The following HDAC9 variants were observed in gnomAD, a reference collection of about 807,000 sequenced individuals.
HDAC9 encodes histone deacetylase 9.
A neutral mutation model predicts 139.4 loss-of-function variants in HDAC9; 41 were observed. That is an observed-to-expected ratio of 0.29 (90% CI 0.23 to 0.38). HDAC9 has a LOEUF of 0.38. Among genes scored for constraint, HDAC9 ranks in the 10% least tolerant of loss-of-function variants. The pLI, the probability that HDAC9 is intolerant of heterozygous loss-of-function variation, is 1.00. For synonymous variants in HDAC9, 517 were observed against 476.2 expected (o/e 1.09, Z -1.12); for missense variants, 1,147 against 1,297.0 (o/e 0.88, Z 1.78).
intron 1 of HDAC9, among the ~76,000 whole-genome samples, chr7:18,131,887 A>G (rs1785036930): frequency 6.6e-6 from 1 of 152,158 alleles, no homozygotes; most frequent in South Asian, 2.1e-4. Flanking sequence ...GATAATTGGG[A>G]GTCAAAATTT....
intron 1 of HDAC9, among the ~76,000 whole-genome samples, chr7:18,489,169 C>G (rs973024415): frequency 4.6e-5 from 7 of 151,868 alleles, no homozygotes; most frequent in Non-Finnish European, 7.4e-5. Flanking sequence ...ATACTATGTG[C>G]CAGACATTAT....
intron 17 of HDAC9, among the ~76,000 whole-genome samples, chr7:18,816,987 G>A (rs971195590): frequency 6.6e-6 from 1 of 151,570 alleles, no homozygotes; most frequent in African/African-American, 2.4e-5. Context: ...AATAAAAGGG[G>A]GAAAATTCTT....
At chr7:18,505,430 A>G (rs1799497657) in intron 2 of HDAC9, among the ~76,000 whole-genome samples, 1 of 152,194 alleles carries the variant, frequency 6.6e-6, no homozygotes, top group Admixed American at 6.5e-5. Flanking sequence ...TCAACTTGCA[A>G]TGTGAAATTC....
chr7:18,096,540 GT>G (rs1782511447), intron 1 of HDAC9, among the ~76,000 whole-genome samples: 1 of 152,172 alleles, frequency 6.6e-6, no homozygotes, highest in African/African-American at 2.4e-5. Flanking sequence ...ATGGACCTCA[GT>G]TTGAAATACA....
At chr7:18,885,461 A>C (rs1051184863) in intron 22 of HDAC9, among the ~76,000 whole-genome samples, 22 of 152,138 alleles carry the variant, frequency 1.4e-4, no homozygotes, top group Admixed American at 1.1e-3. Flanking sequence ...TTTTGTATTA[A>C]TATCATTTTT....
intron 13 of HDAC9, among the ~76,000 whole-genome samples, chr7:18,741,543 C>T (rs1787455749): frequency 6.6e-6 from 1 of 152,160 alleles, no homozygotes; most frequent in South Asian, 2.1e-4. Flanking sequence ...TGTACCTGGT[C>T]ACCCAAGAAC....
intron 1 of HDAC9, among the ~76,000 whole-genome samples, chr7:18,353,134 A>G (rs778167967): frequency 2.0e-5 from 3 of 152,166 alleles, no homozygotes; most frequent in East Asian, 1.9e-4. Context: ...TTAATTAGCT[A>G]TACATGACCC....
intron 12 of HDAC9, among the ~76,000 whole-genome samples, chr7:18,692,996 C>G (rs907740762): frequency 6.6e-6 from 1 of 151,752 alleles, no homozygotes; most frequent in African/African-American, 2.4e-5. Flanking sequence ...TATTTTTTGG[C>G]TTTTTAATTT....
At position 18,199,817 on chromosome 7, in the gene HDAC9, G is replaced by A. The variant is rs548106622; in HGVS notation, c.25+37468G>A. Among the ~76,000 whole-genome samples, 17 of 144,464 alleles carry A rather than the reference G, an allele frequency of 1.2e-4. No homozygotes were observed. The East Asian group carries it at 2.6e-3, about 22-fold the overall frequency. The allele number at this position is 144,464 out of a possible 152,430, so 94.8% of individuals were successfully genotyped here. ...TGTTGCACATCTGTAGTCCTACCAC[G>A]CAGGAGGCTGAGATGGGAGCGAGGA... On this transcript the variant is annotated intron_variant, in intron 2 of 12. Transcript: ENST00000417496.
intron 12 of HDAC9, among the ~76,000 whole-genome samples, chr7:18,700,772 G>C (rs1400299337): frequency 6.6e-6 from 1 of 152,190 alleles, no homozygotes; most frequent in East Asian, 1.9e-4. Context: ...ATCTCCAGGA[G>C]ACTAGCCTTA....
At chr7:18,340,999 C>CT (rs988496827) in intron 1 of HDAC9, among the ~76,000 whole-genome samples, 16 of 147,866 alleles carry the variant, frequency 1.1e-4, no homozygotes, top group Middle Eastern at 3.4e-3. Flanking sequence ...CCCAAGTTGA[C>CT]TTTTTTTTTT....
chr7:18,680,054 C>G (rs1309173898), intron 12 of HDAC9, among the ~76,000 whole-genome samples: 1 of 151,936 alleles, frequency 6.6e-6, no homozygotes, highest in Non-Finnish European at 1.5e-5. Context: ...CATTAGAAAT[C>G]AGTGCCAATA....
At chr7:18,132,795 T>C (rs957020518) in intron 1 of HDAC9, among the ~76,000 whole-genome samples, 1 of 152,162 alleles carries the variant, frequency 6.6e-6, no homozygotes, top group Admixed American at 6.6e-5. Context: ...AGATTGGTTT[T>C]TAGTAAGGTG....
At chr7:18,324,766 T>G (rs1325347011) in intron 1 of HDAC9, among the ~76,000 whole-genome samples, 1 of 152,148 alleles carries the variant, frequency 6.6e-6, no homozygotes, top group East Asian at 1.9e-4. Flanking sequence ...AAGAAATAGC[T>G]CTTGCCTTTG....
chr7:18,097,770 T>G (rs1782604120), intron 1 of HDAC9, among the ~76,000 whole-genome samples: 1 of 152,042 alleles, frequency 6.6e-6, no homozygotes. Context: ...AGAGATGGAA[T>G]CTTGCTTTGT....
chr7:18,407,661 A>G (rs576843710), intron 1 of HDAC9, among the ~76,000 whole-genome samples: 2 of 152,320 alleles, frequency 1.3e-5, no homozygotes, highest in Admixed American at 6.5e-5. Context: ...CCTGCAAAGC[A>G]TTTATGAGTT....
chr7:18,650,541 T>G (rs550612241), intron 11 of HDAC9, among the ~76,000 whole-genome samples: 4 of 152,312 alleles, frequency 2.6e-5, no homozygotes, highest in Non-Finnish European at 4.4e-5. Flanking sequence ...AATCTTTCCT[T>G]TTCAGTATCA....
chr7:18,308,428 C>G (rs667764), intron 1 of HDAC9, among the ~76,000 whole-genome samples: 29,091 of 152,040 alleles, frequency 0.19, 3,014 homozygotes, highest in East Asian at 0.26. Context: ...GCTTTGGGCA[C>G]TTCATAGCCT....
intron 23 of HDAC9, among the ~76,000 whole-genome samples, chr7:18,940,246 AT>A (rs1161594161): frequency 6.6e-6 from 1 of 152,178 alleles, no homozygotes; most frequent in Admixed American, 6.5e-5. Flanking sequence ...CAAAACATGC[AT>A]TTTCTTCTTT....
Sources: allele counts gnomAD v4.1 joint callset (sites outside exome capture counted in the v4.1 genomes callset), GRCh38; gene constraint gnomAD v4.1.1; transcripts MANE v1.5; gene names NCBI Gene and HGNC (gene_info 2026-07-23, HGNC 2026-07-21).